The following EPS15L1 variants were observed in gnomAD, a reference collection of about 807,000 sequenced individuals.
EPS15L1 encodes epidermal growth factor receptor substrate 15-like 1.
EPS15L1 carries 43 observed loss-of-function variants against 117.1 expected under a neutral mutation model. The ratio of observed to expected loss-of-function variants is 0.37; its 90% confidence interval spans 0.29 to 0.47. The LOEUF (loss-of-function observed/expected upper bound fraction) is 0.47. Ranked by LOEUF, EPS15L1 falls within the 20% of genes least tolerant of loss-of-function variation. The probability of loss-of-function intolerance (pLI) is 0.99; values close to 1 mark genes in which losing one functional copy is unlikely to be tolerated. For missense variants in EPS15L1, 981 were observed against 1,164.0 expected (o/e 0.84, Z 2.29); for synonymous variants, 459 against 470.5 (o/e 0.98, Z 0.32).
At chr19:16,368,550 C>A (rs979552892) in intron 22 of EPS15L1, among the ~76,000 whole-genome samples, 1 of 151,818 alleles carries the variant, frequency 6.6e-6, no homozygotes, top group Non-Finnish European at 1.5e-5. Context: ...GTTCATCCTG[C>A]ACAACATGCA....
chr19:16,378,436 C>A (rs776445484), intron 21 of EPS15L1, among the ~76,000 whole-genome samples: 4 of 152,082 alleles, frequency 2.6e-5, no homozygotes, highest in Non-Finnish European at 5.9e-5. Flanking sequence ...CGGCCCACCT[C>A]GTCCACCAGG....
At chr19:16,378,671 G>A (rs78639980) in intron 21 of EPS15L1, among the ~76,000 whole-genome samples, 2,966 of 152,250 alleles carry the variant, frequency 0.019, 103 homozygotes, top group African/African-American at 0.068. Flanking sequence ...CGCCACCTGG[G>A]GGGATGCTTG....
chr19:16,468,200 A>C (rs1159634170), intron 1 of EPS15L1, among the ~76,000 whole-genome samples: 1 of 152,174 alleles, frequency 6.6e-6, no homozygotes, highest in Admixed American at 6.6e-5. Context: ...GGCAGGCAGC[A>C]TACGGCAGGA....
rs1281007888 is a variant in EPS15L1 at position 16,471,859 on chromosome 19, G to T, written c.33+54C>A. 1 of 1,106,208 alleles carries T rather than the reference G, an allele frequency of 9.0e-7. No individual in the cohort carries two copies. Among genetic ancestry groups the T allele is most frequent in the South Asian group, 2.3e-5 (1 of 42,926 alleles). The allele number at this position is 1,106,208 out of a possible 1,614,324, so 68.5% of individuals were successfully genotyped here. ...CCCAGCGCCTCAGCCTCGCCGCACC[G>T]CTCGCCTCGCGCCCCGCACCCCGGC... is the stretch of plus-strand genomic sequence containing the variant. On this transcript the variant is annotated intron_variant, in intron 1 of 23. Coordinates refer to ENST00000455140, the MANE Select transcript of EPS15L1 (RefSeq NM_001258374.3). This position sits in a 1 kb window ranked among gnomAD's most constrained non-coding sequence, Gnocchi z 4.8.
At chr19:16,463,407 C>T (rs2093272297) in intron 1 of EPS15L1, among the ~76,000 whole-genome samples, 1 of 152,174 alleles carries the variant, frequency 6.6e-6, no homozygotes, top group African/African-American at 2.4e-5. Flanking sequence ...TTCTACTCTT[C>T]CTGAAACAAC....
chr19:16,413,283 C>G (rs1334890261), intron 13 of EPS15L1: 16 of 656,542 alleles, frequency 2.4e-5, no homozygotes, highest in Non-Finnish European at 4.2e-5. Flanking sequence ...GTAACTCATC[C>G]CCACGCCCAG....
chr19:16,413,007 G>A (rs936211784), intron 13 of EPS15L1: 1 of 716,948 alleles, frequency 1.4e-6, no homozygotes, highest in South Asian at 1.4e-5. Context: ...TCTCAAGGAT[G>A]AGGTTTTGAA....
chr19:16,403,754 T>C lies in EPS15L1; in HGVS notation c.1605A>G (p.Ser535=), dbSNP rs780083359. ...QLETIIKSLK[S]TQDEINQARS... ...GTACCTGGTTGATTTCGTCTTGCGT[T>C]GACTTCAGGGACTTGATGATGGTTT... Residue 535 remains serine (S), a synonymous_variant, in exon 15 of 24, where the codon TCA becomes TCG. Transcript: ENST00000455140. 1 of 1,613,350 alleles carries C rather than the reference T, an allele frequency of 6.2e-7. No individual in the cohort carries two copies. Among genetic ancestry groups the C allele is most frequent in the South Asian group, 1.1e-5 (1 of 91,078 alleles).
At chr19:16,470,662 A>C (rs1333568185) in intron 1 of EPS15L1, among the ~76,000 whole-genome samples, 1 of 152,142 alleles carries the variant, frequency 6.6e-6, no homozygotes, top group Non-Finnish European at 1.5e-5. Context: ...ACTTAGTGAC[A>C]GTGTTGCAAA....
At chr19:16,397,912 A>C (rs775094909) in intron 16 of EPS15L1, among the ~76,000 whole-genome samples, 22 of 152,206 alleles carry the variant, frequency 1.4e-4, no homozygotes, top group Non-Finnish European at 2.8e-4. Context: ...ATATTAAAAA[A>C]ACAGCACAAC....
intron 9 of EPS15L1, among the ~76,000 whole-genome samples, chr19:16,421,953 C>T (rs1317767838): frequency 2.0e-5 from 3 of 152,186 alleles, no homozygotes; most frequent in Admixed American, 2.0e-4. Context: ...CTCTGAAGAC[C>T]ACCCTTCTAT....
Position 16,439,732 on chromosome 19 carries a change from C to T in EPS15L1, c.213+1130G>A, listed in dbSNP as rs2093011332. Among the ~76,000 whole-genome samples the T allele has an allele frequency of 2.6e-5, 4 of 151,508 alleles. No individual in the cohort carries two copies. The South Asian group carries it at 8.4e-4, about 32-fold the overall frequency. The stretch of plus-strand genomic sequence containing the variant: ...AAAACAACAAACATGCAGACATGCA[C>T]CATGAACCTCAAAGAAGGGAGGTAC... On this transcript the variant is annotated intron_variant, in intron 4 of 23. Coordinates refer to ENST00000455140, the MANE Select transcript of EPS15L1 (RefSeq NM_001258374.3).
chr19:16,418,168 A>T, intron 10 of EPS15L1, 64 bp from the exon 11 acceptor site: 1 of 1,531,234 alleles, frequency 6.5e-7, no homozygotes, highest in Non-Finnish European at 8.8e-7. Flanking sequence ...AACCCAAGTC[A>T]CCGATCCCTT....
In EPS15L1 at chr19:16,381,627, G is replaced by C. The variant is rs10423953; in HGVS notation, c.2247+3502C>G. 1.3e-5 allele frequency among the ~76,000 whole-genome samples: 2 copies of C among 152,160 alleles called. No individual in the cohort carries two copies. Among genetic ancestry groups the C allele is most frequent in the African/African-American group, 4.8e-5 (2 of 41,408 alleles). ...ATGATCACACCAAGTACGAAGCTGC[G>C]ATTGGAATCTGGGAGTGCCCCCATC... On this transcript the variant is annotated intron_variant, in intron 21 of 23. Coordinates refer to ENST00000455140, the MANE Select transcript of EPS15L1 (RefSeq NM_001258374.3). This position sits in a 1 kb window ranked among gnomAD's most constrained non-coding sequence, Gnocchi z 4.2.
chr19:16,356,186 A>ACTTTC, intron 23 of EPS15L1: 2 of 375,862 alleles, frequency 5.3e-6, no homozygotes. Flanking sequence ...AAGATGGGGA[A>ACTTTC]CTTCCAGCGT....
chr19:16,423,209 G>A (rs2092835211), intron 9 of EPS15L1, among the ~76,000 whole-genome samples: 1 of 152,128 alleles, frequency 6.6e-6, no homozygotes, highest in African/African-American at 2.4e-5. Flanking sequence ...TTAGTTCAGG[G>A]GTTTCACGTA....
At chr19:16,403,255 TG>T (rs2092620973) in intron 15 of EPS15L1, among the ~76,000 whole-genome samples, 1 of 151,618 alleles carries the variant, frequency 6.6e-6, no homozygotes, top group African/African-American at 2.4e-5. Context: ...GGGAAGAGGG[TG>T]GGGGCGTCCC....
chr19:16,460,123 A>G (rs1395159895), intron 1 of EPS15L1, among the ~76,000 whole-genome samples: 1 of 152,188 alleles, frequency 6.6e-6, no homozygotes, highest in Admixed American at 6.5e-5. Context: ...AAAATTAAAA[A>G]TCAGAAAATT....
Position 16,421,431 on chromosome 19 carries a change from C to T in EPS15L1, c.838G>A (p.Asp280Asn). Residue 280 changes from aspartate (D) to asparagine (N), a missense_variant, in exon 10 of 24, where the codon GAT (aspartate) becomes AAT (asparagine). Transcript: ENST00000455140. ...AGGTCGGTCTTCAGGAATATCTCAT[C>T]AAATCGCATCTTGTCTGCCACGGGC... ...VVPVADKMRF[D>N]EIFLKTDLDL... 1 of 1,614,070 alleles carries T rather than the reference C, an allele frequency of 6.2e-7. No individual in the cohort carries two copies. The highest frequency in any genetic ancestry group is 8.5e-7 in the Non-Finnish European group (1 of 1,179,898).
Sources: gnomAD v4.1 joint callset for allele counts (sites outside exome capture counted in the v4.1 genomes callset) on GRCh38, gnomAD v4.1.1 for gene constraint, Gnocchi (gnomAD v3.1) non-coding constraint, MANE v1.5 for transcripts, NCBI Gene and HGNC (gene_info 2026-07-23, HGNC 2026-07-21) for gene names.